Variants in CFAP46 observed in about 807,000 individuals in gnomAD.
The protein encoded by CFAP46 is cilia- and flagella-associated protein 46.
Under a neutral mutation model 325.7 loss-of-function variants are expected in CFAP46, and 245 were observed. The ratio of observed to expected loss-of-function variants is 0.75; its 90% CI spans 0.68 to 0.84. The LOEUF is 0.84. CFAP46 is among the 40% of genes least tolerant of loss of function. The probability of loss-of-function intolerance (pLI) is 0.00; values close to 1 mark genes in which losing one functional copy is unlikely to be tolerated. For synonymous variants in CFAP46, 1,523 were observed against 1,495.9 expected (o/e 1.02, Z -0.42); for missense variants, 3,346 against 3,543.0 (o/e 0.94, Z 1.41).
At chr10:132,887,027 TTCTC>T (rs1324526138) in intron 25 of CFAP46, among the ~76,000 whole-genome samples, 4 of 150,614 alleles carry the variant, frequency 2.7e-5, no homozygotes, top group African/African-American at 9.8e-5. Flanking sequence ...CTCTGCTCTC[TTCTC>T]TCTTCTTTCT....
chr10:132,917,558 G>A (rs114697920), intron 16 of CFAP46, among the ~76,000 whole-genome samples: 230 of 152,274 alleles, frequency 1.5e-3, no homozygotes, highest in African/African-American at 5.1e-3. Flanking sequence ...CAAATGCCGA[G>A]GTACCATCTC....
In CFAP46 at chr10:132,858,928, C is replaced by T. The variant is rs187648788; in HGVS notation, c.5375+143G>A. ...CAGAACGTGTGGGTGAGGCGGCAGCCGAGAGCTTCCCAGGGGAGGGTCCTG... is the reference window on the plus strand; with the variant it reads ...CAGAACGTGTGGGTGAGGCGGCAGCTGAGAGCTTCCCAGGGGAGGGTCCTG... On this transcript the variant is annotated intron_variant, in intron 38 of 57. Transcript: ENST00000368586. 3.3e-5 allele frequency: 27 copies of T among 821,316 alleles called. No homozygotes were observed. In the East Asian group the frequency reaches 3.3e-4, roughly 10 times the overall value. The allele number at this position is 821,316 out of a possible 1,614,324, so 50.9% of individuals were successfully genotyped here.
At chr10:132,812,434 C>T (rs144882361) in intron 55 of CFAP46, among the ~76,000 whole-genome samples, 2,050 of 152,272 alleles carry the variant, frequency 0.013, 42 homozygotes, top group African/African-American at 0.044. Context: ...GTGACCAGCG[C>T]GGTCCTGAGC....
At chr10:132,833,675 C>T in intron 49 of CFAP46, 150 bp from the exon 50 acceptor site, 1 of 740,816 alleles carries the variant, frequency 1.3e-6, no homozygotes, top group South Asian at 1.8e-5. Flanking sequence ...CCAGATGCCC[C>T]AGAACGGGGC....
intron 17 of CFAP46, 64 bp downstream of exon 17, chr10:132,916,485 G>A (rs893055949): frequency 8.0e-6 from 12 of 1,493,292 alleles, no homozygotes; most frequent in Non-Finnish European, 1.1e-5. Flanking sequence ...GCCAGCCTGA[G>A]TGCAGGGGAC....
Position 132,881,737 on chromosome 10 carries a change from C to T in CFAP46, c.3628-705G>A, listed in dbSNP as rs534119536. 2.6e-5 allele frequency among the ~76,000 whole-genome samples: 4 copies of T among 152,368 alleles called. No homozygotes were observed. In the East Asian group the frequency reaches 5.8e-4, roughly 22 times the overall value. ...AGGTGCTGCTGGGGCCACGGCCACA[C>T]TCTTCTCCAGCAGGGTGGACCTCGC... is the stretch of plus-strand genomic sequence containing the variant. On this transcript the variant is annotated intron_variant, in intron 27 of 57. Coordinates refer to ENST00000368586, the MANE Select transcript of CFAP46 (RefSeq NM_001200049.3).
chr10:132,808,849 G>A lies in CFAP46; in HGVS notation c.7720C>T (p.Pro2574Ser). The change falls in exon 58 of 58, where the codon CCT becomes TCT. Residue 2574 changes from proline (P) to serine (S), a missense_variant. Transcript: ENST00000368586. The surrounding 1 kb of genome is among the most constrained non-coding windows in gnomAD (Gnocchi z 6.8). ...GGACCAAGTTGAGCGTGGTGGGAAG[G>A]AGCTCGGAGCTTTGGAGCAGCAGCA... ...QAAAAPKLRA[P>S]SHHAQLGPVW... is the part of the protein sequence containing the mutation. The A allele has an allele frequency of 6.2e-7, 1 of 1,602,562 alleles. No individual in the cohort carries two copies. The highest frequency in any genetic ancestry group is 1.1e-5 in the South Asian group (1 of 90,398).
rs781378989 is a variant in CFAP46 at position 132,941,716 on chromosome 10, G to A, written c.181C>T (p.Gln61Ter). 6.2e-7 allele frequency: 1 copy of A among 1,613,940 alleles called. No individual in the cohort carries two copies. The highest frequency in any genetic ancestry group is 1.1e-5 in the South Asian group (1 of 91,062). Residue 61 changes from glutamine (Q) to a stop codon, truncating the protein, a stop_gained, in exon 3 of 58, where the codon CAG becomes TAG. Transcript: ENST00000368586. LOFTEE classifies it high-confidence loss of function. ...LCAEQALKMRQPEVSEDCIQM... is the reference protein window; with the variant it reads ...LCAEQALKMR Reference sequence around the variant, plus strand: ...ATGCAGTCCTCGCTCACCTCTGGCTGCCTCATCTGCAAGAGAACACCACCA... The same window carrying A: ...ATGCAGTCCTCGCTCACCTCTGGCTACCTCATCTGCAAGAGAACACCACCA...
At position 132,941,042 on chromosome 10, in the gene CFAP46, C is replaced by T. The variant is rs760180286; in HGVS notation, c.325G>A (p.Val109Met). ...TTTATGGCCTTCATGTACTCAGTCA[C>T]GCAATTTTCAAATTCCTCCTAAGGC... Reference protein sequence around the residue: ...AENLEEFENCVTEYMKAINFA... With the variant: ...AENLEEFENCMTEYMKAINFA... The change falls in exon 4 of 58, where the codon GTG becomes ATG. Residue 109 changes from valine to methionine, a missense_variant. Transcript: ENST00000368586. 13 of 1,614,160 alleles carry T rather than the reference C, an allele frequency of 8.1e-6. No individual in the cohort carries two copies. The African/African-American group carries it at 9.3e-5, about 12-fold the overall frequency.
chr10:132,833,364 C>T lies in CFAP46; in HGVS notation c.7111G>A (p.Glu2371Lys). The T allele has an allele frequency of 6.2e-7, 1 of 1,613,710 alleles. No individual in the cohort carries two copies. The highest frequency in any genetic ancestry group is 8.5e-7 in the Non-Finnish European group (1 of 1,179,748). ...QMLWNRLHKE[E>K]TEGGVKKEGR... ...GGCTGAGGGCAGTTCCTACCTGTCT[C>T]TTCTTTATGGAGGCGATTCCACAGC... The change falls in exon 50 of 58, where the codon GAG (glutamate) becomes AAG (lysine). Residue 2371 changes from glutamate (E) to lysine (K), a missense_variant. By Grantham distance (56) the Glu-to-Lys change is moderately conservative. Transcript: ENST00000368586.
chr10:132,938,711 C>A lies in CFAP46; in HGVS notation c.414G>T (p.Gln138His). Residue 138 changes from glutamine to histidine, a missense_variant, in exon 5 of 58, where the codon CAG (glutamine) becomes CAT (histidine). Transcript: ENST00000368586. ...LVYNASVLYW[Q>H]MVRPFLKPGY... Reference sequence around the variant, plus strand: ...CAGGCTTGAGGAACGGCCTCACCATCTGCCAGTAGAGGACTGATGCATTGT... The same window carrying A: ...CAGGCTTGAGGAACGGCCTCACCATATGCCAGTAGAGGACTGATGCATTGT... The A allele has an allele frequency of 6.2e-7, 1 of 1,613,622 alleles. No homozygotes were observed. The highest frequency in any genetic ancestry group is 1.1e-5 in the South Asian group (1 of 91,082).
intron 44 of CFAP46, 63 bp from the exon 45 acceptor site, chr10:132,836,977 T>A: frequency 8.0e-7 from 1 of 1,250,580 alleles, no homozygotes; most frequent in Non-Finnish European, 1.2e-6. Context: ...GCTGTGCTGT[T>A]CCCCTCATTT....
intron 33 of CFAP46, among the ~76,000 whole-genome samples, chr10:132,867,800 C>A (rs914780177): frequency 6.6e-6 from 1 of 152,096 alleles, no homozygotes; most frequent in Non-Finnish European, 1.5e-5. Flanking sequence ...GCCCCGGCCC[C>A]GCTGTGCCTC....
intron 50 of CFAP46, among the ~76,000 whole-genome samples, chr10:132,826,384 G>T: frequency 7.2e-6 from 1 of 138,366 alleles, no homozygotes. Flanking sequence ...AGGAGCCAGA[G>T]CCACAGAGAC....
chr10:132,827,959 G>A lies in CFAP46; in HGVS notation c.7117+5399C>T, dbSNP rs1848086813. ...CCCTCGGCGTAATCCTTCTGAGTGA[G>A]CCCCGTCACCCCTCAGCGTAATCCT... On this transcript the variant is annotated intron_variant, in intron 50 of 57. Coordinates refer to ENST00000368586, the MANE Select transcript of CFAP46 (RefSeq NM_001200049.3). This position sits in a 1 kb window ranked among gnomAD's most constrained non-coding sequence, Gnocchi z 5.7. 6.6e-6 allele frequency among the ~76,000 whole-genome samples: 1 copy of A among 150,674 alleles called. No individual in the cohort carries two copies. The highest frequency in any genetic ancestry group is 2.0e-4 in the East Asian group (1 of 5,000).
rs61728257 is a variant in CFAP46, at chr10:132,822,469, ATGTGTGCTG to A, written c.7118-7564_7118-7556del. ...AGTGATGTGTGCTGTGTGAGTGCTG[ATGTGTGCTG>A]TGTGTGCTGTGTGTGCTGATGTGTG... On this transcript the variant is annotated intron_variant, in intron 50 of 57. Coordinates refer to ENST00000368586, the MANE Select transcript of CFAP46 (RefSeq NM_001200049.3). 9.0e-3 allele frequency among the ~76,000 whole-genome samples: 913 copies of A among 101,368 alleles called. 18 individuals are homozygous for A. Among genetic ancestry groups the A allele is most frequent in the South Asian group, 0.069 (196 of 2,844 alleles). 66.5% of individuals were successfully genotyped at this position (101,368 alleles called of 152,430 possible).
Position 132,808,699 on chromosome 10 carries a change from G to C in CFAP46, c.7870C>G (p.Pro2624Ala), listed in dbSNP as rs1464446204. The part of the protein sequence containing the change: ...SAPLPTHPHL[P>A]APIPSSQLAL... ...AGCTGGGAGCTGGGGATGGGAGCCG[G>C]GAGGTGGGGATGGGTTGGCAGAGGG... is the stretch of plus-strand genomic sequence containing the variant. Residue 2624 changes from proline to alanine, a missense_variant, in exon 58 of 58, where the codon CCG (proline) becomes GCG (alanine). Physicochemically the swap from Pro to Ala is conservative, Grantham distance 27. Coordinates refer to ENST00000368586, the MANE Select transcript of CFAP46 (RefSeq NM_001200049.3). The surrounding 1 kb of genome is among the most constrained non-coding windows in gnomAD (Gnocchi z 6.8). 3.8e-6 allele frequency: 6 copies of C among 1,570,132 alleles called. No homozygotes were observed. The highest frequency in any genetic ancestry group is 5.2e-6 in the Non-Finnish European group (6 of 1,157,802).
At position 132,862,779 on chromosome 10, in the gene CFAP46, G is replaced by A. The variant is rs574612982; in HGVS notation, c.4891-1797C>T. On this transcript the variant is annotated intron_variant, in intron 35 of 57. Coordinates refer to ENST00000368586, the MANE Select transcript of CFAP46 (RefSeq NM_001200049.3). Reference sequence around the variant, plus strand: ...AGAGCGCACTCCCATCGCCGGCCTCGGGGAGCAGGTTCAGGAGAGGCTGGA... The same window carrying A: ...AGAGCGCACTCCCATCGCCGGCCTCAGGGAGCAGGTTCAGGAGAGGCTGGA... Among the ~76,000 whole-genome samples the A allele has an allele frequency of 4.5e-3, 679 of 151,574 alleles. 5 individuals are homozygous for A. The highest frequency in any genetic ancestry group is 0.015 in the African/African-American group (628 of 41,240).
intron 44 of CFAP46, among the ~76,000 whole-genome samples, chr10:132,840,242 T>C (rs1323117283): frequency 6.6e-6 from 1 of 152,248 alleles, no homozygotes; most frequent in African/African-American, 2.4e-5. Flanking sequence ...GTTGCCTGTA[T>C]TGGAGTAAGG....
Sources: gnomAD v4.1 joint callset for allele counts (sites outside exome capture counted in the v4.1 genomes callset) on GRCh38, gnomAD v4.1.1 for gene constraint, Gnocchi (gnomAD v3.1) non-coding constraint, MANE v1.5 for transcripts, NCBI Gene and HGNC (gene_info 2026-07-23, HGNC 2026-07-21) for gene names.